Variants in CABLES1 observed in about 807,000 individuals in gnomAD.
CABLES1 encodes the protein CDK5 and ABL1 enzyme substrate 1.
A neutral mutation model predicts 57.8 loss-of-function variants in CABLES1; 36 were observed. The ratio of observed to expected loss-of-function variants is 0.62; its 90% CI spans 0.48 to 0.82. CABLES1 has a LOEUF of 0.82. Ranked by LOEUF, CABLES1 falls within the 40% of genes least tolerant of loss-of-function variation. CABLES1 has a pLI of 0.00. For missense variants in CABLES1, 767 were observed against 836.6 expected, an observed-to-expected ratio of 0.92 and a Z score of 1.03; for synonymous variants, 374 against 363.0, an observed-to-expected ratio of 1.03 and a Z score of -0.35.
chr18:23,184,548 C>G (rs1309795007), intron 1 of CABLES1, among the ~76,000 whole-genome samples: 7 of 152,038 alleles, frequency 4.6e-5, no homozygotes, highest in Non-Finnish European at 2.9e-5. Context: ...ACTAAAAATA[C>G]AAAAATTAGC....
chr18:23,243,873 A>C (rs964710165), intron 7 of CABLES1, among the ~76,000 whole-genome samples: 2 of 51,486 alleles, frequency 3.9e-5, no homozygotes, highest in Non-Finnish European at 5.6e-5. Context: ...ACTCCGTTTC[A>C]AAAAAAAAAA....
intron 2 of CABLES1, 68 bp from the exon 3 acceptor site, chr18:23,194,380 T>G: frequency 1.0e-6 from 1 of 960,728 alleles, no homozygotes; most frequent in South Asian, 1.3e-5. Context: ...CTTCCTGTCT[T>G]TATGTGGAGA....
chr18:23,186,033 T>C (rs2047199936), intron 1 of CABLES1, among the ~76,000 whole-genome samples: 1 of 152,194 alleles, frequency 6.6e-6, no homozygotes, highest in South Asian at 2.1e-4. Flanking sequence ...GACTTGTGCT[T>C]CTCAGTGCAC....
intron 1 of CABLES1, among the ~76,000 whole-genome samples, chr18:23,143,396 C>A (rs2046869686): frequency 6.6e-6 from 1 of 152,232 alleles, no homozygotes; most frequent in Non-Finnish European, 1.5e-5. Context: ...GCAACAGGAA[C>A]CTGGCCTCCT....
chr18:23,156,587 A>G lies in CABLES1; in HGVS notation c.845+19980A>G, dbSNP rs186684753. On this transcript the variant is annotated intron_variant, in intron 1 of 9. Transcript: ENST00000256925. ...GTTGCTGCAAGCACTGAATTAGGAAATACTGATCCATTGCTCCGGAGGCAA... is the reference window on the plus strand; with the variant it reads ...GTTGCTGCAAGCACTGAATTAGGAAGTACTGATCCATTGCTCCGGAGGCAA... 1.7e-3 allele frequency among the ~76,000 whole-genome samples: 264 copies of G among 152,316 alleles called. 2 individuals carry two copies. Among genetic ancestry groups the G allele is most frequent in the African/African-American group, 6.2e-3 (256 of 41,558 alleles).
At chr18:23,158,131 A>C (rs959412426) in intron 1 of CABLES1, among the ~76,000 whole-genome samples, 24 of 151,482 alleles carry the variant, frequency 1.6e-4, no homozygotes, top group Non-Finnish European at 2.5e-4. Context: ...AAAAAAAAAA[A>C]AAAAAAACAA....
At chr18:23,179,414 G>A (rs1168322930) in intron 1 of CABLES1, among the ~76,000 whole-genome samples, 1 of 152,184 alleles carries the variant, frequency 6.6e-6, no homozygotes, top group Non-Finnish European at 1.5e-5. Flanking sequence ...CCACCCCAGG[G>A]ATTTTGAATT....
chr18:23,163,568 A>AG (rs1476243765), intron 1 of CABLES1, among the ~76,000 whole-genome samples: 2 of 152,056 alleles, frequency 1.3e-5, no homozygotes, highest in Non-Finnish European at 2.9e-5. Flanking sequence ...AAAGGATGGA[A>AG]GAGGGGCTGG....
At chr18:23,189,913 G>A (rs748250993) in intron 2 of CABLES1, among the ~76,000 whole-genome samples, 5 of 152,254 alleles carry the variant, frequency 3.3e-5, no homozygotes, top group Non-Finnish European at 5.9e-5. Context: ...ACAGCCTGGG[G>A]TCAGAGGGGA....
chr18:23,206,601 C>T (rs2047365276), intron 3 of CABLES1, among the ~76,000 whole-genome samples: 2 of 152,190 alleles, frequency 1.3e-5, no homozygotes, highest in South Asian at 2.1e-4. Context: ...GGGATGTCCA[C>T]GTTGGACTTC....
chr18:23,182,514 C>G (rs1241616874), intron 1 of CABLES1, among the ~76,000 whole-genome samples: 1 of 152,208 alleles, frequency 6.6e-6, no homozygotes, highest in African/African-American at 2.4e-5. Context: ...CCGGGAGTGT[C>G]TAAAACCCCG....
intron 1 of CABLES1, among the ~76,000 whole-genome samples, chr18:23,181,258 C>T (rs1230755622): frequency 6.6e-6 from 1 of 152,090 alleles, no homozygotes; most frequent in East Asian, 1.9e-4. Context: ...CTTTGGGAGG[C>T]CTCGGCGGGT....
intron 3 of CABLES1, among the ~76,000 whole-genome samples, chr18:23,201,547 A>C (rs934475513): frequency 6.6e-6 from 1 of 152,252 alleles, no homozygotes; most frequent in Non-Finnish European, 1.5e-5. Context: ...AGAATAGTCC[A>C]TACAGACAGA....
intron 4 of CABLES1, among the ~76,000 whole-genome samples, chr18:23,233,610 G>A (rs1174779730): frequency 6.6e-6 from 1 of 152,212 alleles, no homozygotes; most frequent in East Asian, 1.9e-4. Context: ...CACTTTAGGA[G>A]GCCAAGACGG....
chr18:23,169,238 A>G (rs2047065654), intron 1 of CABLES1, among the ~76,000 whole-genome samples: 1 of 152,214 alleles, frequency 6.6e-6, no homozygotes, highest in African/African-American at 2.4e-5. Flanking sequence ...AGAAATAACC[A>G]TAAAAATGGG....
At chr18:23,193,683 T>A (rs1320887763) in intron 2 of CABLES1, among the ~76,000 whole-genome samples, 1 of 152,208 alleles carries the variant, frequency 6.6e-6, no homozygotes, top group Non-Finnish European at 1.5e-5. Context: ...TCGTTGTGAT[T>A]GTGGTTTTGT....
chr18:23,253,177 A>G (rs2048081427), intron 8 of CABLES1, 111 bp downstream of exon 8: 1 of 665,530 alleles, frequency 1.5e-6, no homozygotes, highest in African/African-American at 1.8e-5. Context: ...TGATTGAGTC[A>G]TTGTCACATT....
chr18:23,140,062 C>T (rs921537287), intron 1 of CABLES1, among the ~76,000 whole-genome samples: 12 of 152,270 alleles, frequency 7.9e-5, no homozygotes, highest in African/African-American at 1.2e-4. Flanking sequence ...GCCTCACAGA[C>T]GGGACTCCAG....
At position 23,136,202 on chromosome 18, in the gene CABLES1, C is replaced by G; in HGVS notation, c.440C>G (p.Pro147Arg). 1 of 1,251,962 alleles carries G rather than the reference C, an allele frequency of 8.0e-7. No individual in the cohort carries two copies. The highest frequency in any genetic ancestry group is 1.0e-6 in the Non-Finnish European group (1 of 1,001,310). The allele number at this position is 1,251,962 out of a possible 1,614,324, so 77.6% of individuals were successfully genotyped here. Residue 147 changes from proline (P) to arginine (R), a missense_variant, in exon 1 of 10, where the codon CCG becomes CGG. Coordinates refer to ENST00000256925, the MANE Select transcript of CABLES1 (RefSeq NM_001100619.3). ...TGCCTCCCACAGCCCTCGTCGCTGCCGCCCTTGATTCCTGGCGGCCATGCG... is the reference window on the plus strand; with the variant it reads ...TGCCTCCCACAGCCCTCGTCGCTGCGGCCCTTGATTCCTGGCGGCCATGCG... ...GPCLPQPSSL[P>R]PLIPGGHATV... is the part of the protein sequence containing the mutation.
Sources: gnomAD v4.1 joint callset for allele counts (sites outside exome capture counted in the v4.1 genomes callset) on GRCh38, gnomAD v4.1.1 for gene constraint, MANE v1.5 for transcripts, NCBI Gene and HGNC (gene_info 2026-07-23, HGNC 2026-07-21) for gene names.